The following PAM variants were observed in gnomAD, a reference collection of about 807,000 sequenced individuals.
The protein encoded by PAM is peptidyl-glycine alpha-amidating monooxygenase.
In PAM, 72 loss-of-function variants were observed where a neutral mutation model predicts 122.1. The ratio of observed to expected loss-of-function variants is 0.59; its 90% CI spans 0.49 to 0.72. The LOEUF (loss-of-function observed/expected upper bound fraction) is 0.72. Among genes scored for constraint, PAM ranks in the 30% least tolerant of loss-of-function variants. The pLI, the probability that PAM is intolerant of heterozygous loss-of-function variation, is 0.00. For missense variants in PAM, 1,106 were observed against 1,183.7 expected (o/e 0.93, Z 0.96); for synonymous variants, 389 against 404.4 (o/e 0.96, Z 0.46).
chr5:103,009,153 T>C (rs1037936505), intron 20 of PAM, among the ~76,000 whole-genome samples: 1 of 152,158 alleles, frequency 6.6e-6, no homozygotes, highest in African/African-American at 2.4e-5. Context: ...TTAAGAAATA[T>C]AATTTTACTA....
intron 16 of PAM, among the ~76,000 whole-genome samples, chr5:102,991,889 G>T (rs1254583124): frequency 6.6e-6 from 1 of 152,004 alleles, no homozygotes; most frequent in Non-Finnish European, 1.5e-5. Flanking sequence ...TTTCTGCATG[G>T]ATTTCTAGCC....
At chr5:102,913,066 T>A (rs981116512) in intron 4 of PAM, among the ~76,000 whole-genome samples, 18 of 151,992 alleles carry the variant, frequency 1.2e-4, no homozygotes, top group African/African-American at 4.1e-4. Context: ...GAAAGATGCA[T>A]TTTTGCACAC....
intron 1 of PAM, among the ~76,000 whole-genome samples, chr5:102,812,326 C>T (rs1278778065): frequency 6.6e-6 from 1 of 151,920 alleles, no homozygotes; most frequent in Non-Finnish European, 1.5e-5. Context: ...TGGGTCCATC[C>T]ACACAAAGCG....
At chr5:102,970,127 C>T (rs551301030) in intron 14 of PAM, among the ~76,000 whole-genome samples, 25 of 151,782 alleles carry the variant, frequency 1.6e-4, no homozygotes, top group Non-Finnish European at 2.6e-4. Flanking sequence ...AGTCATACAA[C>T]GGTGAAATAG....
In PAM at chr5:102,780,432, A is replaced by T. The variant is rs555517071; in HGVS notation, c.-374+25084A>T. Among the ~76,000 whole-genome samples, 4 of 152,264 alleles carry T rather than the reference A, an allele frequency of 2.6e-5. No homozygotes were observed. In the East Asian group the frequency reaches 7.7e-4, roughly 29 times the overall value. ...TTCTAAACATAAGGGGTTTTAAACC[A>T]TGTAAAAAATACTTGTGTTTTTATG... is the stretch of plus-strand genomic sequence containing the variant. On this transcript the variant is annotated intron_variant, in intron 1 of 25. Coordinates refer to ENST00000438793, the MANE Select transcript of PAM (RefSeq NM_001177306.2).
intron 3 of PAM, among the ~76,000 whole-genome samples, chr5:102,882,993 G>GA (rs1554099824): frequency 6.7e-6 from 1 of 149,794 alleles, no homozygotes; most frequent in Non-Finnish European, 1.5e-5. Flanking sequence ...CCCACTTTAT[G>GA]TTTTTTTTTG....
intron 1 of PAM, among the ~76,000 whole-genome samples, chr5:102,819,044 T>C (rs1165038944): frequency 6.6e-6 from 1 of 152,190 alleles, no homozygotes; most frequent in East Asian, 1.9e-4. Flanking sequence ...AGAGAATAAC[T>C]GAGCTGGGAG....
At chr5:102,821,239 T>A (rs745555269) in intron 1 of PAM, among the ~76,000 whole-genome samples, 1 of 152,190 alleles carries the variant, frequency 6.6e-6, no homozygotes, top group Non-Finnish European at 1.5e-5. Flanking sequence ...AAAAACCATT[T>A]ATCCTGAGGA....
At chr5:102,929,116 T>G (rs1296378443) in intron 7 of PAM, among the ~76,000 whole-genome samples, 2 of 152,180 alleles carry the variant, frequency 1.3e-5, no homozygotes, top group African/African-American at 4.8e-5. Context: ...GTTATAACAT[T>G]GCCTTTATAA....
chr5:102,930,362 A>T (rs986037343), intron 7 of PAM, among the ~76,000 whole-genome samples: 12 of 152,140 alleles, frequency 7.9e-5, no homozygotes, highest in Non-Finnish European at 1.6e-4. Context: ...GTGGAGAGGT[A>T]TGAAGTCTGG....
intron 21 of PAM, among the ~76,000 whole-genome samples, chr5:103,015,681 C>G (rs1416123608): frequency 6.6e-6 from 1 of 152,112 alleles, no homozygotes; most frequent in African/African-American, 2.4e-5. Flanking sequence ...CACGCCTCCC[C>G]CTGAGTTCCT....
At chr5:102,778,704 C>T (rs1334868750) in intron 1 of PAM, among the ~76,000 whole-genome samples, 1 of 152,068 alleles carries the variant, frequency 6.6e-6, no homozygotes, top group African/African-American at 2.4e-5. Flanking sequence ...TATTTTCATT[C>T]ACTTCATTTT....
Position 102,926,610 on chromosome 5 carries a change from G to C in PAM, c.468G>C (p.Glu156Asp), listed in dbSNP as rs1443661313. 2 of 1,595,348 alleles carry C rather than the reference G, an allele frequency of 1.3e-6. No individual in the cohort carries two copies. Among genetic ancestry groups the C allele is most frequent in the African/African-American group, 2.7e-5 (2 of 74,532 alleles). The change falls in exon 7 of 26, where the codon GAG becomes GAC. Residue 156 changes from glutamate (E) to aspartate (D), a missense_variant. By Grantham distance (45) the Glu-to-Asp change is conservative. Around this residue, in one of 3 missense-constraint regions of PAM, gnomAD observed 670 missense variants for 690.3 expected, o/e 0.97. Coordinates refer to ENST00000438793, the MANE Select transcript of PAM (RefSeq NM_001177306.2). ...GTGTTGGATTCAGAGTTGGAGGAGA[G>C]ACTGGAAGTAAATACTTTGTACTAC... ...PKGVGFRVGG[E>D]TGSKYFVLQV...
chr5:102,843,119 A>G (rs772051547), intron 1 of PAM, among the ~76,000 whole-genome samples: 26 of 152,240 alleles, frequency 1.7e-4, no homozygotes, highest in Non-Finnish European at 5.9e-5. Flanking sequence ...TAAATAAACC[A>G]CCAGAGCCTA....
rs1467261803 is a variant in PAM, at chr5:102,924,838, G to A, written c.357-119G>A. 3.1e-6 allele frequency: 2 copies of A among 641,644 alleles called. 1 individual carries two copies. Among genetic ancestry groups the A allele is most frequent in the Non-Finnish European group, 5.8e-6 (2 of 347,104 alleles). 39.7% of individuals were successfully genotyped at this position (641,644 alleles called of 1,614,324 possible). On this transcript the variant is annotated intron_variant, in intron 5 of 25. Transcript: ENST00000438793. ...GATCTTAAAGCTAATATCATGCAAT[G>A]ATGATATATTGATGTACTTTGGTTT...
At chr5:102,980,936 C>T (rs1183067124) in intron 15 of PAM, among the ~76,000 whole-genome samples, 4 of 152,150 alleles carry the variant, frequency 2.6e-5, no homozygotes, top group African/African-American at 4.8e-5. Context: ...AGACTTCATA[C>T]ATTTTTTTAC....
chr5:102,882,052 A>AATATATATATAT (rs61367764), intron 3 of PAM, among the ~76,000 whole-genome samples: 3 of 62,010 alleles, frequency 4.8e-5, no homozygotes, highest in African/African-American at 5.4e-5. Context: ...TCCATCGTGG[A>AATATATATATAT]ATATATATAT....
intron 15 of PAM, among the ~76,000 whole-genome samples, chr5:102,980,258 G>A (rs1769299852): frequency 6.6e-6 from 1 of 152,138 alleles, no homozygotes; most frequent in South Asian, 2.1e-4. Flanking sequence ...CTGGAAATCT[G>A]TAGCATTAAC....
At chr5:102,804,645 T>C (rs1048754930) in intron 1 of PAM, among the ~76,000 whole-genome samples, 2 of 152,222 alleles carry the variant, frequency 1.3e-5, no homozygotes, top group African/African-American at 4.8e-5. Flanking sequence ...GAAAAAGTGT[T>C]CTATCAAGAT....
Sources: gnomAD v4.1 joint callset for allele counts (sites outside exome capture counted in the v4.1 genomes callset) on GRCh38, gnomAD v4.1.1 for gene constraint, gnomAD v4.1.1 regional missense constraint, MANE v1.5 for transcripts, NCBI Gene and HGNC (gene_info 2026-07-23, HGNC 2026-07-21) for gene names.